DIAPH2: variants seen among roughly 807,000 people sequenced by gnomAD.
DIAPH2 encodes diaphanous related formin 2.
In DIAPH2, 35 loss-of-function variants were observed where a neutral mutation model predicts 92.7. That is an observed-to-expected ratio of 0.38 (90% confidence interval 0.29 to 0.50). The LOEUF (loss-of-function observed/expected upper bound fraction) is 0.50. Ranked by LOEUF, DIAPH2 falls within the 20% of genes least tolerant of loss-of-function variation. The pLI is 0.94. For synonymous variants in DIAPH2, 301 were observed against 280.4 expected, an observed-to-expected ratio of 1.07 and a Z score of -0.73; for missense variants, 701 against 819.5, an observed-to-expected ratio of 0.86 and a Z score of 1.77.
intron 18 of DIAPH2, 123 bp downstream of exon 18, chrX:97,073,165 A>G: frequency 2.1e-6 from 1 of 481,741 alleles, no homozygotes; most frequent in Non-Finnish European, 3.4e-6. Context: ...TCTAGAAACA[A>G]AATCCTGTGT....
chrX:97,503,082 T>G (rs2070809654), intron 26 of DIAPH2, among the ~76,000 whole-genome samples: 1 of 112,331 alleles, frequency 8.9e-6, no homozygotes, highest in African/African-American at 3.2e-5. Context: ...TGTGATAAAC[T>G]TCTATAATAC....
At chrX:97,488,061 T>G (rs901764520) in intron 26 of DIAPH2, among the ~76,000 whole-genome samples, 3 of 112,515 alleles carry the variant, frequency 2.7e-5, no homozygotes, top group African/African-American at 9.7e-5. Context: ...TGGCACAATC[T>G]TGGCTCACCA....
chrX:97,286,041 CT>C (rs756488579), intron 23 of DIAPH2, among the ~76,000 whole-genome samples: 174 of 91,484 alleles, frequency 1.9e-3, no homozygotes, highest in African/African-American at 2.4e-3. Context: ...AGCCCAGAAA[CT>C]TTTTTTTTTT....
Position 96,699,088 on chromosome X carries a change from TACAA to T in DIAPH2, c.132+13899_132+13902del, listed in dbSNP as rs751685598. On this transcript the variant is annotated intron_variant, in intron 1 of 26. Coordinates refer to ENST00000324765, the MANE Select transcript of DIAPH2 (RefSeq NM_006729.5). ...TATTGGTTCTGTTCATACAACTGTG[TACAA>T]CACAGCATGAAACTAGAAAGTGAAG... Among the ~76,000 whole-genome samples, 26 of 111,572 alleles carry T rather than the reference TACAA, an allele frequency of 2.3e-4. No individual in the cohort carries two copies. In the South Asian group the frequency reaches 9.7e-3, roughly 42 times the overall value.
intron 24 of DIAPH2, among the ~76,000 whole-genome samples, chrX:97,361,049 TC>T (rs1309034405): frequency 9.5e-6 from 1 of 105,084 alleles, no homozygotes; most frequent in Non-Finnish European, 2.0e-5. Context: ...TTCTTCTTCT[TC>T]TTTTTTTTTT....
chrX:97,591,108 C>A (rs773664325), intron 26 of DIAPH2, among the ~76,000 whole-genome samples: 1 of 111,758 alleles, frequency 8.9e-6, no homozygotes, highest in South Asian at 3.8e-4. Flanking sequence ...CATTAAATAG[C>A]AATATTCGAG....
intron 1 of DIAPH2, among the ~76,000 whole-genome samples, chrX:96,692,460 T>C (rs1323430064): frequency 1.8e-5 from 2 of 112,053 alleles, no homozygotes; most frequent in Non-Finnish European, 3.8e-5. Flanking sequence ...CTTAAACAAA[T>C]ACAGCTTTAA....
At chrX:97,597,653 A>G (rs1428775487) in intron 26 of DIAPH2, among the ~76,000 whole-genome samples, 2 of 111,973 alleles carry the variant, frequency 1.8e-5, no homozygotes, top group Non-Finnish European at 3.8e-5. Flanking sequence ...GGTGGGAACC[A>G]TTGTATTGTA....
At chrX:97,330,752 A>T (rs893428118) in intron 23 of DIAPH2, among the ~76,000 whole-genome samples, 1 of 111,454 alleles carries the variant, frequency 9.0e-6, no homozygotes, top group South Asian at 3.8e-4. Context: ...ACCTCAGGTG[A>T]TCTACCCACC....
chrX:97,052,438 A>G (rs1309265674), intron 17 of DIAPH2, among the ~76,000 whole-genome samples: 1 of 110,858 alleles, frequency 9.0e-6, no homozygotes, highest in Non-Finnish European at 1.9e-5. Flanking sequence ...ATGGCAGAAA[A>G]TGGTGTTAAA....
intron 17 of DIAPH2, among the ~76,000 whole-genome samples, chrX:96,968,297 C>A (rs2065906255): frequency 9.0e-6 from 1 of 111,126 alleles, no homozygotes; most frequent in Non-Finnish European, 1.9e-5. Flanking sequence ...CAGCTCACTG[C>A]AATCTCCGCC....
At position 96,727,589 on chromosome X, in the gene DIAPH2, T is replaced by C. The variant is rs955974548; in HGVS notation, c.133-8169T>C. ...TCCCTACCCAACAATTAGGCCACAA[T>C]TCTTTGTAGTTTCTCAATGAAGCTA... On this transcript the variant is annotated intron_variant, in intron 1 of 26. Transcript: ENST00000324765. 2.7e-5 allele frequency among the ~76,000 whole-genome samples: 3 copies of C among 112,164 alleles called. No individual in the cohort carries two copies. In the Admixed American group the frequency reaches 2.8e-4, roughly 11 times the overall value.
chrX:96,861,359 G>C (rs1326470534), intron 4 of DIAPH2, among the ~76,000 whole-genome samples: 1 of 111,877 alleles, frequency 8.9e-6, no homozygotes, highest in Non-Finnish European at 1.9e-5. Flanking sequence ...CGTACTTCCA[G>C]ATGTCTAAAC....
intron 26 of DIAPH2, among the ~76,000 whole-genome samples, chrX:97,552,309 T>C (rs2071225604): frequency 8.9e-6 from 1 of 111,884 alleles, no homozygotes; most frequent in Non-Finnish European, 1.9e-5. Flanking sequence ...ACATGAAAAG[T>C]TCAGATGAAA....
At chrX:97,064,361 A>G (rs758308614) in intron 17 of DIAPH2, among the ~76,000 whole-genome samples, 1 of 110,864 alleles carries the variant, frequency 9.0e-6, no homozygotes, top group African/African-American at 3.3e-5. Flanking sequence ...TTCTGTGAGC[A>G]TATAGCTCCA....
At chrX:97,046,456 G>A (rs1022568650) in intron 17 of DIAPH2, among the ~76,000 whole-genome samples, 5 of 111,249 alleles carry the variant, frequency 4.5e-5, no homozygotes, top group African/African-American at 1.6e-4. Context: ...CATTAGTTAG[G>A]CAGCAGTGTC....
intron 21 of DIAPH2, among the ~76,000 whole-genome samples, chrX:97,115,264 G>A (rs2067008295): frequency 9.0e-6 from 1 of 111,547 alleles, no homozygotes; most frequent in African/African-American, 3.3e-5. Flanking sequence ...GGCCAGGCGC[G>A]GTGGCTCACA....
chrX:97,489,271 AT>A (rs1165091925), intron 26 of DIAPH2, among the ~76,000 whole-genome samples: 1 of 111,607 alleles, frequency 9.0e-6, no homozygotes, highest in Middle Eastern at 4.2e-3. Flanking sequence ...TGATTTTTGT[AT>A]GTTGATTTTG....
At chrX:96,880,385 T>C (rs771175886) in intron 4 of DIAPH2, among the ~76,000 whole-genome samples, 5 of 111,896 alleles carry the variant, frequency 4.5e-5, no homozygotes, top group Admixed American at 9.6e-5. Flanking sequence ...TAGCATCTAA[T>C]GGGATTTTTG....
Sources: allele counts gnomAD v4.1 joint callset (sites outside exome capture counted in the v4.1 genomes callset), GRCh38; gene constraint gnomAD v4.1.1; transcripts MANE v1.5; gene names NCBI Gene and HGNC (gene_info 2026-07-23, HGNC 2026-07-21).